FYB1: variants seen among roughly 807,000 people sequenced by gnomAD.
FYB1 encodes the protein FYN-binding protein 1.
A neutral mutation model predicts 94.1 loss-of-function variants in FYB1; 41 were observed. That is an observed-to-expected ratio of 0.44 (90% CI 0.34 to 0.57). The LOEUF is 0.57. Among genes scored for constraint, FYB1 ranks in the 20% least tolerant of loss-of-function variants. The pLI is 0.02. For missense variants in FYB1, 1,050 were observed against 976.8 expected (o/e 1.07, Z -1.00); for synonymous variants, 367 against 353.2 (o/e 1.04, Z -0.44).
At chr5:39,152,300 G>T (rs1235503573) in intron 3 of FYB1, among the ~76,000 whole-genome samples, 1 of 152,134 alleles carries the variant, frequency 6.6e-6, no homozygotes, top group Non-Finnish European at 1.5e-5. Flanking sequence ...AAATGGTGGT[G>T]TTTTTCCATG....
chr5:39,134,295 T>C lies in FYB1; in HGVS notation c.1730A>G (p.Lys577Arg). 3.7e-6 allele frequency: 6 copies of C among 1,611,686 alleles called. No homozygotes were observed. Among genetic ancestry groups the C allele is most frequent in the Non-Finnish European group, 5.1e-6 (6 of 1,177,990 alleles). ...TGAAGGGGCACCAAGAGAGTCTTTT[T>C]TCAGTTTCAAAGAATCATAGTCAAT... Reference protein sequence around the residue: ...VEIDYDSLKLKKDSLGAPSRP... With the variant: ...VEIDYDSLKLRKDSLGAPSRP... Residue 577 changes from lysine (K) to arginine (R), a missense_variant, in exon 9 of 19, where the codon AAA (lysine) becomes AGA (arginine). Physicochemically the swap from Lys to Arg is conservative, Grantham distance 26. Transcript: ENST00000512982.
At chr5:39,175,900 G>A (rs1745677716) in intron 2 of FYB1, among the ~76,000 whole-genome samples, 1 of 152,138 alleles carries the variant, frequency 6.6e-6, no homozygotes, top group East Asian at 1.9e-4. Context: ...TATGATAGGA[G>A]AATTCTAATG....
intron 2 of FYB1, among the ~76,000 whole-genome samples, chr5:39,180,987 A>C (rs969235781): frequency 1.3e-5 from 2 of 152,180 alleles, no homozygotes; most frequent in African/African-American, 4.8e-5. Flanking sequence ...CCAGTCACTC[A>C]CTCATTCGTT....
chr5:39,214,170 A>C (rs1749661023), intron 1 of FYB1, among the ~76,000 whole-genome samples: 1 of 152,240 alleles, frequency 6.6e-6, no homozygotes, highest in South Asian at 2.1e-4. Context: ...TTTAGTTAAA[A>C]ATGTAAACCA....
Position 39,110,337 on chromosome 5 carries a change from T to C in FYB1, c.2435+19A>G, listed in dbSNP as rs1334060859. 5 of 1,554,618 alleles carry C rather than the reference T, an allele frequency of 3.2e-6. No individual in the cohort carries two copies. Among genetic ancestry groups the C allele is most frequent in the Non-Finnish European group, 4.4e-6 (5 of 1,134,598 alleles). Reference sequence around the variant, plus strand: ...AAAATTCTTTTCACAAGCATAGTAGTAGAAGAAAATGGGCTTACTTGTCCG... The same window carrying C: ...AAAATTCTTTTCACAAGCATAGTAGCAGAAGAAAATGGGCTTACTTGTCCG... On this transcript the variant is annotated intron_variant, in intron 17 of 18. Transcript: ENST00000512982.
chr5:39,157,276 A>T (rs1743844637), intron 2 of FYB1, among the ~76,000 whole-genome samples: 1 of 152,178 alleles, frequency 6.6e-6, no homozygotes, highest in Non-Finnish European at 1.5e-5. Context: ...ACATTAGCAA[A>T]CTGTCCTACA....
At chr5:39,254,689 G>A (rs1473777373) in intron 1 of FYB1, among the ~76,000 whole-genome samples, 1 of 152,148 alleles carries the variant, frequency 6.6e-6, no homozygotes, top group Non-Finnish European at 1.5e-5. Context: ...GCAACTTGAG[G>A]CATGCAAAAT....
At chr5:39,175,543 A>G (rs1745642740) in intron 2 of FYB1, among the ~76,000 whole-genome samples, 1 of 152,238 alleles carries the variant, frequency 6.6e-6, no homozygotes, top group East Asian at 1.9e-4. Context: ...CTGTGAAAGC[A>G]GGTAGAAACG....
At chr5:39,122,237 A>G in intron 14 of FYB1, 99 bp downstream of exon 14, 1 of 752,606 alleles carries the variant, frequency 1.3e-6, no homozygotes, top group Non-Finnish European at 2.3e-6. Context: ...ACAGGATCGC[A>G]CACAGTAGAC....
chr5:39,176,004 G>T (rs1745685317), intron 2 of FYB1, among the ~76,000 whole-genome samples: 1 of 152,020 alleles, frequency 6.6e-6, no homozygotes, highest in East Asian at 1.9e-4. Context: ...TGTGCTCCAG[G>T]GGCCGGTACA....
chr5:39,151,932 T>C (rs1230119059), intron 3 of FYB1, among the ~76,000 whole-genome samples: 1 of 152,218 alleles, frequency 6.6e-6, no homozygotes, highest in East Asian at 1.9e-4. Context: ...ATATAAACTT[T>C]TGAGCCCAAA....
chr5:39,148,381 GT>G (rs538508812), intron 3 of FYB1, among the ~76,000 whole-genome samples: 209 of 38,126 alleles, frequency 5.5e-3, no homozygotes, highest in Non-Finnish European at 8.6e-3. Context: ...TTATCAGCAG[GT>G]TTTTTTTTTT....
chr5:39,225,026 AG>A (rs1216255415), intron 1 of FYB1, among the ~76,000 whole-genome samples: 1 of 152,196 alleles, frequency 6.6e-6, no homozygotes, highest in African/African-American at 2.4e-5. Context: ...ACCTTATAAA[AG>A]ATGTCAGCAA....
chr5:39,184,468 GA>G (rs928328212), intron 2 of FYB1, among the ~76,000 whole-genome samples: 1 of 152,126 alleles, frequency 6.6e-6, no homozygotes, highest in Non-Finnish European at 1.5e-5. Flanking sequence ...TGGTGAGTTT[GA>G]ACATGAAAAT....
chr5:39,164,009 C>A (rs1332467254), intron 2 of FYB1, among the ~76,000 whole-genome samples: 1 of 152,120 alleles, frequency 6.6e-6, no homozygotes, highest in Non-Finnish European at 1.5e-5. Flanking sequence ...CAGTAGAAAT[C>A]CTTTGAGAAC....
intron 2 of FYB1, among the ~76,000 whole-genome samples, chr5:39,200,785 G>T (rs114509226): frequency 2.0e-3 from 307 of 152,320 alleles, no homozygotes; most frequent in African/African-American, 7.0e-3. Context: ...TTTAGGCTTA[G>T]AATTGCTTTA....
intron 1 of FYB1, among the ~76,000 whole-genome samples, chr5:39,233,937 G>A (rs1750851809): frequency 3.9e-5 from 6 of 152,094 alleles, no homozygotes; most frequent in Admixed American, 3.9e-4. Context: ...ATTGTGCGTT[G>A]CCTGAAAGGG....
At chr5:39,255,127 T>C (rs1437593478) in intron 1 of FYB1, among the ~76,000 whole-genome samples, 3 of 152,104 alleles carry the variant, frequency 2.0e-5, no homozygotes, top group Non-Finnish European at 4.4e-5. Context: ...GAGGAGAAAA[T>C]CATGGAGCTA....
intron 1 of FYB1, among the ~76,000 whole-genome samples, chr5:39,243,024 T>C (rs1318738514): frequency 2.0e-5 from 3 of 152,232 alleles, no homozygotes; most frequent in South Asian, 2.1e-4. Flanking sequence ...AAGTTCATTG[T>C]AGATTCTGGA....
Sources: gnomAD v4.1 joint callset for allele counts (sites outside exome capture counted in the v4.1 genomes callset) on GRCh38, gnomAD v4.1.1 for gene constraint, MANE v1.5 for transcripts, NCBI Gene and HGNC (gene_info 2026-07-23, HGNC 2026-07-21) for gene names.